RIC1: variants seen among roughly 807,000 people sequenced by gnomAD.
RIC1 encodes the protein RIC1 partner of RAB6A GEF complex.
A neutral mutation model predicts 169.0 loss-of-function variants in RIC1; 88 were observed. That is an observed-to-expected ratio of 0.52 (90% CI 0.44 to 0.62). The LOEUF is 0.62. Among genes scored for constraint, RIC1 ranks in the 20% least tolerant of loss-of-function variants. The pLI is 0.00. For missense variants in RIC1, 1,877 were observed against 1,725.5 expected, an observed-to-expected ratio of 1.09 and a Z score of -1.56; for synonymous variants, 790 against 601.5, an observed-to-expected ratio of 1.31 and a Z score of -4.59.
intron 6 of RIC1, among the ~76,000 whole-genome samples, chr9:5,724,780 T>C (rs965663375): frequency 1.1e-4 from 17 of 152,194 alleles, no homozygotes; most frequent in Admixed American, 9.2e-4. Flanking sequence ...CTGTTGAATT[T>C]TGTCAAAGGC....
chr9:5,642,734 A>G (rs1284083759), intron 1 of RIC1, among the ~76,000 whole-genome samples: 2 of 117,108 alleles, frequency 1.7e-5, no homozygotes, highest in Non-Finnish European at 3.4e-5. Context: ...TCAGGTGTTT[A>G]TGAATCATTA....
At chr9:5,766,635 A>G (rs536543687) in intron 21 of RIC1, among the ~76,000 whole-genome samples, 2 of 152,314 alleles carry the variant, frequency 1.3e-5, no homozygotes, top group Admixed American at 6.5e-5. Flanking sequence ...ACTTAGAATA[A>G]TACTCTCCAA....
At chr9:5,660,885 G>A (rs1255513824) in intron 2 of RIC1, among the ~76,000 whole-genome samples, 1 of 152,054 alleles carries the variant, frequency 6.6e-6, no homozygotes, top group African/African-American at 2.4e-5. Flanking sequence ...TTTTGCTTTT[G>A]TTGCAATTGC....
intron 1 of RIC1, among the ~76,000 whole-genome samples, chr9:5,648,172 C>A (rs972293978): frequency 8.6e-5 from 13 of 152,018 alleles, no homozygotes; most frequent in Non-Finnish European, 1.6e-4. Flanking sequence ...TTAGTAGAGA[C>A]AGGGTTTTGC....
At chr9:5,689,443 G>A (rs1416888767) in intron 2 of RIC1, among the ~76,000 whole-genome samples, 2 of 152,152 alleles carry the variant, frequency 1.3e-5, no homozygotes, top group Non-Finnish European at 2.9e-5. Context: ...TCTGTTTTAT[G>A]TCTGTATCTG....
chr9:5,677,018 T>G (rs1017665454), intron 2 of RIC1, among the ~76,000 whole-genome samples: 15 of 152,226 alleles, frequency 9.9e-5, no homozygotes, highest in African/African-American at 3.6e-4. Flanking sequence ...GGATGCGTAT[T>G]TCCTTTTCTG....
Position 5,756,248 on chromosome 9 carries a change from G to A in RIC1, c.1729G>A (p.Ala577Thr), listed in dbSNP as rs763369746. Residue 577 changes from alanine to threonine, a missense_variant, in exon 16 of 26, where the codon GCC becomes ACC. Coordinates refer to ENST00000414202, the MANE Select transcript of RIC1 (RefSeq NM_020829.4). The part of the protein sequence containing the change: ...VYLRTSNLDN[A>T]FAHVTKAQAE... The stretch of plus-strand genomic sequence containing the variant: ...CTTGCGAACATCAAATCTGGACAAT[G>A]CCTTTGCTCATGTCACCAAAGCACA... The A allele has an allele frequency of 3.8e-6, 6 of 1,598,404 alleles. No homozygotes were observed. The highest frequency in any genetic ancestry group is 3.4e-5 in the Admixed American group (2 of 58,882).
chr9:5,698,947 T>A (rs985630167), intron 3 of RIC1, among the ~76,000 whole-genome samples: 2 of 152,084 alleles, frequency 1.3e-5, no homozygotes, highest in African/African-American at 4.8e-5. Flanking sequence ...CTTTAAGAGG[T>A]TGCCAAAAAA....
At chr9:5,647,723 A>C (rs1416822940) in intron 1 of RIC1, among the ~76,000 whole-genome samples, 3 of 152,118 alleles carry the variant, frequency 2.0e-5, no homozygotes, top group African/African-American at 7.2e-5. Flanking sequence ...TTTCCAAGTT[A>C]GATTTATTTT....
At position 5,768,977 on chromosome 9, in the gene RIC1, A is replaced by G. The variant is rs1410092122; in HGVS notation, c.3145A>G (p.Lys1049Glu). 6.2e-7 allele frequency: 1 copy of G among 1,606,004 alleles called. No homozygotes were observed. ...TTGTGTTTCCACTTACAGATGGAGC[A>G]AAGACAGTGACTGTGCTGAGAACAT... ...PSGPSGKRWS[K>E]DSDCAENMYI... is the part of the protein sequence containing the mutation. The change falls in exon 22 of 26, where the codon AAA becomes GAA. Residue 1049 changes from lysine (K) to glutamate (E), a missense_variant. By Grantham distance (56) the Lys-to-Glu change is moderately conservative. Coordinates refer to ENST00000414202, the MANE Select transcript of RIC1 (RefSeq NM_020829.4).
At chr9:5,690,530 G>C (rs1354664565) in intron 3 of RIC1, among the ~76,000 whole-genome samples, 1 of 149,660 alleles carries the variant, frequency 6.7e-6, no homozygotes, top group Non-Finnish European at 1.5e-5. Flanking sequence ...CTTAACTTTT[G>C]AAATAAAAGA....
intron 1 of RIC1, among the ~76,000 whole-genome samples, chr9:5,652,726 G>T (rs928282028): frequency 6.6e-6 from 1 of 151,818 alleles, no homozygotes. Context: ...GCTCTGGCTA[G>T]GATTTCCAGT....
chr9:5,734,861 A>G (rs1299522872), intron 7 of RIC1, among the ~76,000 whole-genome samples: 1 of 152,196 alleles, frequency 6.6e-6, no homozygotes, highest in Non-Finnish European at 1.5e-5. Context: ...TGCTGTTGAC[A>G]TACTTTTGCC....
chr9:5,703,422 C>T (rs897121862), intron 3 of RIC1, among the ~76,000 whole-genome samples: 2 of 152,154 alleles, frequency 1.3e-5, no homozygotes, highest in African/African-American at 4.8e-5. Context: ...TACCTAGTTC[C>T]AGAACTTTTA....
At chr9:5,682,720 G>T (rs945787024) in intron 2 of RIC1, among the ~76,000 whole-genome samples, 1 of 152,002 alleles carries the variant, frequency 6.6e-6, no homozygotes, top group Non-Finnish European at 1.5e-5. Flanking sequence ...TGCTAGATTG[G>T]GGAAGTTCTC....
intron 7 of RIC1, among the ~76,000 whole-genome samples, chr9:5,737,124 A>G (rs1233624400): frequency 6.6e-6 from 1 of 152,200 alleles, no homozygotes; most frequent in South Asian, 2.1e-4. Flanking sequence ...CTAAAACAGG[A>G]GCCTCATTTT....
At chr9:5,772,525 C>G in intron 23 of RIC1, 39 bp from the exon 24 acceptor site, 2 of 1,487,378 alleles carry the variant, frequency 1.3e-6, no homozygotes, top group Non-Finnish European at 1.8e-6. Context: ...TATATTTTCT[C>G]CACGAAGTTG....
chr9:5,754,393 T>C (rs1315942320), intron 14 of RIC1, among the ~76,000 whole-genome samples: 3 of 152,158 alleles, frequency 2.0e-5, no homozygotes, highest in African/African-American at 7.2e-5. Flanking sequence ...ATAAAGGCTC[T>C]AGAGTTATCA....
intron 3 of RIC1, among the ~76,000 whole-genome samples, chr9:5,706,024 A>G (rs942013525): frequency 6.6e-6 from 1 of 152,192 alleles, no homozygotes; most frequent in African/African-American, 2.4e-5. Flanking sequence ...AATCCTTTTA[A>G]TATGCTACTG....
Sources: gnomAD v4.1 joint callset for allele counts (sites outside exome capture counted in the v4.1 genomes callset) on GRCh38, gnomAD v4.1.1 for gene constraint, MANE v1.5 for transcripts, NCBI Gene and HGNC (gene_info 2026-07-23, HGNC 2026-07-21) for gene names.